The following PCSK5 variants were observed in gnomAD, a reference collection of about 807,000 sequenced individuals.
PCSK5 encodes the protein prohormone convertase 5.
Under a neutral mutation model 233.2 loss-of-function variants are expected in PCSK5, and 129 were observed. The observed-to-expected ratio is 0.55, with a 90% CI of 0.48 to 0.64. The LOEUF (loss-of-function observed/expected upper bound fraction) is 0.64. PCSK5 is among the 30% of genes least tolerant of loss of function. The pLI is 0.00. For missense variants in PCSK5, 2,076 were observed against 2,430.1 expected, an observed-to-expected ratio of 0.85 and a Z score of 3.06; for synonymous variants, 825 against 879.2, an observed-to-expected ratio of 0.94 and a Z score of 1.09.
chr9:76,160,794 G>A (rs1822820524), intron 12 of PCSK5, among the ~76,000 whole-genome samples: 1 of 149,154 alleles, frequency 6.7e-6, no homozygotes, highest in African/African-American at 2.5e-5. Context: ...TTTTTGAGAT[G>A]GAGTCTTGCT....
chr9:76,225,860 T>G (rs114701056), intron 20 of PCSK5, among the ~76,000 whole-genome samples: 1,898 of 152,198 alleles, frequency 0.012, 40 homozygotes, highest in African/African-American at 0.043. Flanking sequence ...TACACCAGAG[T>G]GCCTGGCATG....
intron 2 of PCSK5, among the ~76,000 whole-genome samples, chr9:75,963,037 A>G (rs1017473883): frequency 5.3e-5 from 8 of 152,236 alleles, no homozygotes; most frequent in African/African-American, 1.9e-4. Flanking sequence ...ACATGATGCC[A>G]ACCACACTCC....
intron 20 of PCSK5, among the ~76,000 whole-genome samples, chr9:76,218,825 G>T (rs776489921): frequency 5.9e-5 from 9 of 151,402 alleles, no homozygotes; most frequent in African/African-American, 2.2e-4. Flanking sequence ...TGCTTCTTAC[G>T]ATGCTGACCC....
intron 9 of PCSK5, among the ~76,000 whole-genome samples, chr9:76,114,984 G>A (rs865909393): frequency 1.4e-4 from 21 of 152,124 alleles, no homozygotes; most frequent in African/African-American, 4.8e-4. Flanking sequence ...AGAGAGAAGT[G>A]GGTAGATTTG....
intron 3 of PCSK5, among the ~76,000 whole-genome samples, chr9:76,013,254 T>G (rs1024255072): frequency 2.0e-5 from 3 of 152,200 alleles, no homozygotes; most frequent in South Asian, 4.1e-4. Context: ...TTCTTGTTCT[T>G]GGAGGGGCCA....
At position 76,153,272 on chromosome 9, in the gene PCSK5, C is replaced by T. The variant is rs143623034; in HGVS notation, c.1313-3773C>T. On this transcript the variant is annotated intron_variant, in intron 10 of 37. Transcript: ENST00000674117. ...TACTCCAGTAACTCTGCTTCAAGATCTTTAATTATTCTGTATACATAACTT... is the reference window on the plus strand; with the variant it reads ...TACTCCAGTAACTCTGCTTCAAGATTTTTAATTATTCTGTATACATAACTT... 2.9e-3 allele frequency among the ~76,000 whole-genome samples: 436 copies of T among 152,328 alleles called. 2 individuals carry two copies. The highest frequency in any genetic ancestry group is 9.9e-3 in the African/African-American group (412 of 41,586).
At chr9:75,953,351 C>A (rs1350798661) in intron 2 of PCSK5, among the ~76,000 whole-genome samples, 1 of 152,114 alleles carries the variant, frequency 6.6e-6, no homozygotes, top group African/African-American at 2.4e-5. Flanking sequence ...GAAAGCGTAG[C>A]AACCACCAAT....
intron 14 of PCSK5, among the ~76,000 whole-genome samples, chr9:76,175,796 A>T (rs1379858002): frequency 6.6e-6 from 1 of 152,246 alleles, no homozygotes; most frequent in Non-Finnish European, 1.5e-5. Flanking sequence ...TGAACGTTTT[A>T]AAAGTGTTAT....
At chr9:75,984,330 G>C (rs577810731) in intron 2 of PCSK5, among the ~76,000 whole-genome samples, 19 of 152,140 alleles carry the variant, frequency 1.2e-4, no homozygotes, top group Admixed American at 1.0e-3. Flanking sequence ...TGACCTCTAG[G>C]AGTCTCTTTA....
At chr9:76,343,878 A>C (rs1380794593) in intron 35 of PCSK5, among the ~76,000 whole-genome samples, 1 of 152,184 alleles carries the variant, frequency 6.6e-6, no homozygotes, top group Non-Finnish European at 1.5e-5. Context: ...GTGTAATTGT[A>C]CTTAGTGGTG....
chr9:76,227,537 C>G lies in PCSK5; in HGVS notation c.2661C>G (p.Thr887=). 1 of 1,612,148 alleles carries G rather than the reference C, an allele frequency of 6.2e-7. No homozygotes were observed. Among genetic ancestry groups the G allele is most frequent in the African/African-American group, 1.3e-5 (1 of 75,024 alleles). Residue 887 remains threonine (T), a synonymous_variant, in exon 21 of 38, where the codon ACC becomes ACG. Transcript: ENST00000674117. ...EYVDEHGHCQ[T]CEASCAKCQG... is the part of the protein sequence containing the mutation. ...TTGATGAGCATGGCCACTGCCAGAC[C>G]TGTGAGGCCTCATGTGCCAAGTGCC...
At chr9:76,006,455 C>T (rs982694961) in intron 3 of PCSK5, among the ~76,000 whole-genome samples, 1 of 151,682 alleles carries the variant, frequency 6.6e-6, no homozygotes, top group Non-Finnish European at 1.5e-5. Context: ...CCTTTATATG[C>T]CCTTCATTCC....
intron 7 of PCSK5, among the ~76,000 whole-genome samples, chr9:76,072,451 G>C (rs1041150122): frequency 6.6e-6 from 1 of 152,188 alleles, no homozygotes; most frequent in Non-Finnish European, 1.5e-5. Flanking sequence ...ATAATCTAAT[G>C]TAATAAAATG....
chr9:76,158,845 T>A (rs1430570337), intron 11 of PCSK5, 138 bp from the exon 12 acceptor site: 1 of 679,376 alleles, frequency 1.5e-6, no homozygotes, highest in African/African-American at 1.8e-5. Context: ...ACCCAGTTAT[T>A]TTGGTGATAG....
intron 2 of PCSK5, among the ~76,000 whole-genome samples, chr9:75,942,675 AG>A (rs1374303294): frequency 1.3e-5 from 2 of 152,146 alleles, no homozygotes; most frequent in African/African-American, 4.8e-5. Flanking sequence ...CCTGGGAGAC[AG>A]GCTTAACAGA....
chr9:76,202,671 T>A (rs945259760), intron 20 of PCSK5, among the ~76,000 whole-genome samples: 1 of 152,160 alleles, frequency 6.6e-6, no homozygotes, highest in African/African-American at 2.4e-5. Context: ...CTCACCCGAA[T>A]CATCTATCGT....
chr9:76,332,056 C>T (rs1829551899), intron 33 of PCSK5, among the ~76,000 whole-genome samples: 1 of 152,198 alleles, frequency 6.6e-6, no homozygotes, highest in Non-Finnish European at 1.5e-5. Flanking sequence ...GACAATGAGC[C>T]ATTGCCAACA....
At chr9:75,934,654 T>C (rs935768105) in intron 2 of PCSK5, among the ~76,000 whole-genome samples, 16 of 151,992 alleles carry the variant, frequency 1.1e-4, no homozygotes, top group Admixed American at 2.0e-4. Flanking sequence ...CGATCTCAGC[T>C]CACTACAACC....
intron 2 of PCSK5, among the ~76,000 whole-genome samples, chr9:75,960,259 C>T (rs1465513344): frequency 6.6e-6 from 1 of 152,132 alleles, no homozygotes; most frequent in Non-Finnish European, 1.5e-5. Flanking sequence ...TCAGTCAGAG[C>T]AATTGTCATA....
Sources: gnomAD v4.1 joint callset for allele counts (sites outside exome capture counted in the v4.1 genomes callset) on GRCh38, gnomAD v4.1.1 for gene constraint, MANE v1.5 for transcripts, NCBI Gene and HGNC (gene_info 2026-07-23, HGNC 2026-07-21) for gene names.